The following DEPDC5 variants were observed in gnomAD, a reference collection of about 807,000 sequenced individuals.
The protein encoded by DEPDC5 is DEP domain containing 5, GATOR1 subcomplex subunit, also known as GATOR1 complex protein DEPDC5.
Under a neutral mutation model 217.3 loss-of-function variants are expected in DEPDC5, and 73 were observed. The ratio of observed to expected loss-of-function variants is 0.34; its 90% confidence interval spans 0.28 to 0.41. The LOEUF is 0.41. DEPDC5 is among the 10% of genes least tolerant of loss of function. The pLI, the probability that DEPDC5 is intolerant of heterozygous loss-of-function variation, is 1.00. For synonymous variants in DEPDC5, 733 were observed against 756.7 expected, an observed-to-expected ratio of 0.97 and a Z score of 0.51; for missense variants, 1,675 against 2,070.1, an observed-to-expected ratio of 0.81 and a Z score of 3.70.
chr22:31,836,769 G>A lies in DEPDC5; in HGVS notation c.2171-203G>A, dbSNP rs2091029740. ...CCATTTGCATGATGGGATTGGATAA[G>A]CATGTGCACTGCATTGTCTAACAAA... On this transcript the variant is annotated intron_variant, in intron 25 of 42. Coordinates refer to ENST00000651528, the MANE Select transcript of DEPDC5 (RefSeq NM_001242896.3). 1.0e-5 allele frequency: 6 copies of A among 578,046 alleles called. No homozygotes were observed. The South Asian group carries it at 1.1e-4, about 10-fold the overall frequency. The allele number at this position is 578,046 out of a possible 1,614,324, so 35.8% of individuals were successfully genotyped here. A position where few individuals can be genotyped will look rare whatever the true frequency, so the allele number is the denominator to read the frequency against.
intron 26 of DEPDC5, among the ~76,000 whole-genome samples, chr22:31,838,057 A>G (rs976343282): frequency 3.9e-5 from 6 of 152,146 alleles, no homozygotes; most frequent in African/African-American, 1.4e-4. Context: ...TATTGACATC[A>G]ACTATTTCTC....
At chr22:31,773,793 C>T (rs1278511409) in intron 7 of DEPDC5, among the ~76,000 whole-genome samples, 4 of 152,082 alleles carry the variant, frequency 2.6e-5, no homozygotes, top group Non-Finnish European at 5.9e-5. Context: ...ACACATGAGC[C>T]GGGTGTGGTG....
At chr22:31,792,150 C>T (rs1449958569) in intron 11 of DEPDC5, 48 bp downstream of exon 11, 1 of 1,334,048 alleles carries the variant, frequency 7.5e-7, no homozygotes, top group African/African-American at 1.4e-5. Flanking sequence ...TAAGCTTCCC[C>T]CAACCCCACC....
intron 3 of DEPDC5, 130 bp from the exon 4 acceptor site, chr22:31,760,526 G>A (rs934874755): frequency 5.4e-6 from 4 of 746,408 alleles, no homozygotes; most frequent in African/African-American, 5.3e-5. Flanking sequence ...TTCTGAGGGA[G>A]CTTTCTCCCG....
intron 6 of DEPDC5, among the ~76,000 whole-genome samples, chr22:31,767,341 G>T (rs1448609622): frequency 6.6e-6 from 1 of 151,918 alleles, no homozygotes; most frequent in East Asian, 1.9e-4. Context: ...TGTTGCCCAG[G>T]CTGGAGTGCA....
intron 19 of DEPDC5, 128 bp downstream of exon 19, chr22:31,809,775 T>A (rs1187703495): frequency 5.8e-6 from 5 of 866,190 alleles, no homozygotes; most frequent in Non-Finnish European, 7.3e-6. Flanking sequence ...AGGTCAGGAG[T>A]TCAAGACCAG....
intron 33 of DEPDC5, among the ~76,000 whole-genome samples, chr22:31,863,254 C>A (rs532915274): frequency 6.6e-6 from 1 of 152,330 alleles, no homozygotes; most frequent in Non-Finnish European, 1.5e-5. Flanking sequence ...GCCACCTCCA[C>A]CTCGAAGGTT....
chr22:31,851,860 A>G (rs896302227), intron 31 of DEPDC5, among the ~76,000 whole-genome samples: 11 of 152,202 alleles, frequency 7.2e-5, no homozygotes, highest in Non-Finnish European at 1.6e-4. Flanking sequence ...GTCCTTACAC[A>G]TTCTCATGGC....
chr22:31,836,219 G>A (rs2148944991), intron 25 of DEPDC5, among the ~76,000 whole-genome samples: 1 of 152,356 alleles, frequency 6.6e-6, no homozygotes, highest in African/African-American at 2.4e-5. Flanking sequence ...CTGGCATCTA[G>A]TGAGTAGAGT....
chr22:31,901,675 G>C (rs553958762), intron 40 of DEPDC5, 67 bp from the exon 41 acceptor site: 1 of 1,398,444 alleles, frequency 7.2e-7, no homozygotes, highest in African/African-American at 1.4e-5. Flanking sequence ...GGGTACAGAA[G>C]ACTGGCCCAG....
intron 17 of DEPDC5, 182 bp downstream of exon 17, chr22:31,805,097 C>G: frequency 1.9e-6 from 1 of 533,016 alleles, no homozygotes; most frequent in East Asian, 3.4e-5. Context: ...ATCATAGGAA[C>G]AGTCTATGGT....
intron 24 of DEPDC5, chr22:31,833,708 A>G: frequency 2.5e-6 from 1 of 398,808 alleles, no homozygotes; most frequent in South Asian, 7.4e-5. Flanking sequence ...CAGTAACCTC[A>G]GAGTAAAGTT....
chr22:31,791,062 T>TA (rs2085577084), intron 10 of DEPDC5, among the ~76,000 whole-genome samples: 1 of 152,030 alleles, frequency 6.6e-6, no homozygotes, highest in African/African-American at 2.4e-5. Flanking sequence ...CCTGTCTTTA[T>TA]AAAAAATGCA....
chr22:31,813,581 C>T (rs1296475110), intron 20 of DEPDC5, among the ~76,000 whole-genome samples: 1 of 152,042 alleles, frequency 6.6e-6, no homozygotes, highest in African/African-American at 2.4e-5. Context: ...CTTTTTCGTT[C>T]TGAGCTTTTG....
chr22:31,780,384 T>C (rs1054649602), intron 8 of DEPDC5, among the ~76,000 whole-genome samples: 2 of 151,980 alleles, frequency 1.3e-5, no homozygotes, highest in African/African-American at 4.8e-5. Context: ...GTTGGGGAGA[T>C]TAGGAAGCTC....
intron 26 of DEPDC5, 110 bp from the exon 27 acceptor site, chr22:31,838,575 C>G (rs1045610092): frequency 7.0e-7 from 1 of 1,423,568 alleles, no homozygotes; most frequent in Admixed American, 2.0e-5. Flanking sequence ...TATGAACCAC[C>G]ATAGAATGGT....
chr22:31,768,393 A>G (rs2083015709), intron 6 of DEPDC5, among the ~76,000 whole-genome samples: 1 of 152,176 alleles, frequency 6.6e-6, no homozygotes, highest in African/African-American at 2.4e-5. Context: ...CATACAGGGT[A>G]TATTTTCAGG....
In DEPDC5 at chr22:31,755,071, A is replaced by G. The variant is rs114450526; in HGVS notation, c.58+92A>G. On this transcript the variant is annotated intron_variant, in intron 2 of 42. Transcript: ENST00000651528. ...AAATTACACACTGACTCGTGTGACAATTGAGGCTAAACAGGCGACTAAACA... is the reference window on the plus strand; with the variant it reads ...AAATTACACACTGACTCGTGTGACAGTTGAGGCTAAACAGGCGACTAAACA... 559 of 1,475,898 alleles carry G rather than the reference A, an allele frequency of 3.8e-4. 2 individuals carry two copies. The African/African-American group carries it at 5.5e-3, about 14-fold the overall frequency. 91.4% of individuals were successfully genotyped at this position (1,475,898 alleles called of 1,614,324 possible).
chr22:31,788,264 ATTTTTTTTT>A (rs75378797), intron 10 of DEPDC5, among the ~76,000 whole-genome samples: 11 of 90,702 alleles, frequency 1.2e-4, no homozygotes, highest in Non-Finnish European at 2.1e-4. Context: ...GGATGACTGT[ATTTTTTTTT>A]TTTTTTTTTT....
Sources: gnomAD v4.1 joint callset for allele counts (sites outside exome capture counted in the v4.1 genomes callset) on GRCh38, gnomAD v4.1.1 for gene constraint, MANE v1.5 for transcripts, NCBI Gene and HGNC (gene_info 2026-07-23, HGNC 2026-07-21) for gene names.